The following CPED1 variants were observed in gnomAD, a reference collection of about 807,000 sequenced individuals.
CPED1 encodes cadherin like and PC-esterase domain containing 1.
In CPED1, 114 loss-of-function variants were observed where a neutral mutation model predicts 128.2. The ratio of observed to expected loss-of-function variants is 0.89; its 90% CI spans 0.76 to 1.04. The LOEUF is 1.04. Among genes scored for constraint, CPED1 ranks in the 50% least tolerant of loss-of-function variants. CPED1 has a pLI of 0.00. For synonymous variants in CPED1, 462 were observed against 426.7 expected, an observed-to-expected ratio of 1.08 and a Z score of -1.02; for missense variants, 1,211 against 1,207.1, an observed-to-expected ratio of 1.00 and a Z score of -0.05.
At chr7:121,217,985 C>T (rs1797793813) in intron 16 of CPED1, among the ~76,000 whole-genome samples, 1 of 121,352 alleles carries the variant, frequency 8.2e-6, no homozygotes, top group African/African-American at 2.8e-5. Flanking sequence ...GTGGTTTTTG[C>T]CAATTTTTTT....
intron 16 of CPED1, among the ~76,000 whole-genome samples, chr7:121,220,388 G>A (rs1797849686): frequency 1.3e-5 from 2 of 151,930 alleles, no homozygotes; most frequent in African/African-American, 4.8e-5. Flanking sequence ...TCACTCTTAT[G>A]TTTCCTTGGA....
At chr7:121,205,542 CT>C (rs1367118325) in intron 16 of CPED1, among the ~76,000 whole-genome samples, 1 of 151,796 alleles carries the variant, frequency 6.6e-6, no homozygotes, top group Non-Finnish European at 1.5e-5. Flanking sequence ...TTTTCTATTC[CT>C]GAAAACTGAG....
chr7:121,009,507 T>C (rs1792106467), intron 2 of CPED1, among the ~76,000 whole-genome samples: 1 of 149,964 alleles, frequency 6.7e-6, no homozygotes, highest in African/African-American at 2.5e-5. Flanking sequence ...CTTGGGAGGC[T>C]GAGATGGGAG....
chr7:121,203,922 G>A (rs530778751), intron 16 of CPED1, among the ~76,000 whole-genome samples: 2 of 152,170 alleles, frequency 1.3e-5, no homozygotes, highest in South Asian at 2.1e-4. Context: ...GGCTGTCCAC[G>A]CAAAGGGCCA....
intron 7 of CPED1, among the ~76,000 whole-genome samples, chr7:121,118,254 T>A (rs914056631): frequency 2.8e-4 from 42 of 152,136 alleles, no homozygotes; most frequent in Admixed American, 6.6e-5. Context: ...TTAATGGATA[T>A]ATGAATTAAT....
At chr7:121,212,048 C>G (rs561532314) in intron 16 of CPED1, among the ~76,000 whole-genome samples, 5 of 152,110 alleles carry the variant, frequency 3.3e-5, no homozygotes, top group African/African-American at 1.2e-4. Flanking sequence ...CATTGCCTGG[C>G]AAAGATGATA....
intron 2 of CPED1, among the ~76,000 whole-genome samples, chr7:121,013,915 A>G (rs1792226528): frequency 6.6e-6 from 1 of 152,252 alleles, no homozygotes; most frequent in African/African-American, 2.4e-5. Flanking sequence ...TTAAGCATGT[A>G]CCATATATCA....
At chr7:121,190,741 A>G (rs1258694629) in intron 16 of CPED1, among the ~76,000 whole-genome samples, 1 of 152,150 alleles carries the variant, frequency 6.6e-6, no homozygotes, top group Non-Finnish European at 1.5e-5. Context: ...TCAGAGAAAT[A>G]TATTCCTTTT....
chr7:121,199,847 G>A (rs1015533729), intron 16 of CPED1, among the ~76,000 whole-genome samples: 10 of 151,946 alleles, frequency 6.6e-5, no homozygotes, highest in African/African-American at 2.4e-4. Context: ...AAGTAAAGAG[G>A]TGAAGTTAAT....
intron 4 of CPED1, among the ~76,000 whole-genome samples, chr7:121,047,650 T>TTCCTCTTCCTCTTCCTCTTCC (rs1427707716): frequency 0.014 from 41 of 2,994 alleles, 1 homozygote; most frequent in Admixed American, 0.031. Context: ...AGCACCTTTC[T>TTCCTCTTCCTCTTCCTCTTCC]TCTTCTTCTT....
chr7:121,060,270 C>G (rs1311694929), intron 4 of CPED1, among the ~76,000 whole-genome samples: 2 of 152,262 alleles, frequency 1.3e-5, no homozygotes, highest in Admixed American at 1.3e-4. Context: ...AGCGCCGCCC[C>G]TTGCTCCACG....
At position 120,989,604 on chromosome 7, in the gene CPED1, A is replaced by AT; in HGVS notation, c.-18_-17insT. The stretch of plus-strand genomic sequence containing the variant: ...TTTCCCGCAACGTGGACAGGGGCCA[A>AT]GTGAAGCTGAACTGGTCATGGTCTG... On this transcript the variant is annotated 5_prime_UTR_variant, in exon 2 of 23. The change creates a new upstream start codon in the 5' untranslated region. Coordinates refer to ENST00000310396, the MANE Select transcript of CPED1 (RefSeq NM_024913.5). The AT allele has an allele frequency of 6.2e-7, 1 of 1,612,330 alleles. No individual in the cohort carries two copies. Among genetic ancestry groups the AT allele is most frequent in the Non-Finnish European group, 8.5e-7 (1 of 1,179,186 alleles).
intron 16 of CPED1, among the ~76,000 whole-genome samples, chr7:121,202,344 G>A (rs1426942517): frequency 6.6e-6 from 1 of 152,154 alleles, no homozygotes; most frequent in Non-Finnish European, 1.5e-5. Flanking sequence ...AGTCATTGGA[G>A]ACAGGAGGAA....
At position 121,097,896 on chromosome 7, in the gene CPED1, A is replaced by G. The variant is rs961808962; in HGVS notation, c.749+65A>G. ...TGTAGGAGACAGCTAACAAGAGAAA[A>G]GCACAGAACAGATATGGGGGGTTCA... On this transcript the variant is annotated intron_variant, in intron 6 of 22. Coordinates refer to ENST00000310396, the MANE Select transcript of CPED1 (RefSeq NM_024913.5). 3 of 1,548,642 alleles carry G rather than the reference A, an allele frequency of 1.9e-6. No individual in the cohort carries two copies. The African/African-American group carries it at 4.1e-5, about 21-fold the overall frequency.
rs1244966734 is a variant in CPED1 at position 121,129,321 on chromosome 7, ATATATATATATATACG to A, written c.1408-788_1408-773del. On this transcript the variant is annotated intron_variant, in intron 11 of 22. Transcript: ENST00000310396. ...TATATATATATATATACGTATATAT[ATATATATATATATACG>A]TATATATATATATACATACATACAC... 9.1e-5 allele frequency among the ~76,000 whole-genome samples: 12 copies of A among 132,238 alleles called. 1 individual carries two copies. Among genetic ancestry groups the A allele is most frequent in the African/African-American group, 2.5e-4 (9 of 36,082 alleles). The allele number at this position is 132,238 out of a possible 152,430, so 86.8% of individuals were successfully genotyped here. A position where few individuals can be genotyped will look rare whatever the true frequency, so the allele number is the denominator to read the frequency against.
intron 2 of CPED1, among the ~76,000 whole-genome samples, chr7:120,998,888 C>T (rs1292899666): frequency 2.0e-5 from 3 of 151,174 alleles, no homozygotes; most frequent in Non-Finnish European, 4.4e-5. Flanking sequence ...GGAGTGAGTT[C>T]AGTGCAGATA....
chr7:121,007,105 T>C (rs1792036956), intron 2 of CPED1, among the ~76,000 whole-genome samples: 1 of 151,988 alleles, frequency 6.6e-6, no homozygotes, highest in African/African-American at 2.4e-5. Context: ...TCTTTCTGCC[T>C]CCAAGATTCA....
At chr7:121,064,120 G>C in intron 4 of CPED1, 118 bp from the exon 5 acceptor site, 1 of 648,128 alleles carries the variant, frequency 1.5e-6, no homozygotes. Flanking sequence ...TGAAGGTGGG[G>C]TGTGGGTGGT....
chr7:121,000,421 A>T lies in CPED1; in HGVS notation c.249+10551A>T, dbSNP rs961819256. On this transcript the variant is annotated intron_variant, in intron 2 of 22. Transcript: ENST00000310396. ...TGAGTCGGCCATGTATAAGGATCTT[A>T]AAAAATTTTATTCAACTTTCAATTA... Among the ~76,000 whole-genome samples the T allele has an allele frequency of 2.0e-5, 3 of 152,194 alleles. No homozygotes were observed. In the East Asian group the frequency reaches 5.8e-4, roughly 29 times the overall value.
Sources: gnomAD v4.1 joint callset for allele counts (sites outside exome capture counted in the v4.1 genomes callset) on GRCh38, gnomAD v4.1.1 for gene constraint, MANE v1.5 for transcripts, NCBI Gene and HGNC (gene_info 2026-07-23, HGNC 2026-07-21) for gene names.